The following CORO2B variants were observed in gnomAD, a reference collection of about 807,000 sequenced individuals.
The protein encoded by CORO2B is coronin-2B.
CORO2B carries 26 observed loss-of-function variants against 58.8 expected under a neutral mutation model. The ratio of observed to expected loss-of-function variants is 0.44; its 90% CI spans 0.32 to 0.61. The LOEUF (loss-of-function observed/expected upper bound fraction) is 0.61, where lower values mean the gene tolerates loss of function less well. Among genes scored for constraint, CORO2B ranks in the 20% least tolerant of loss-of-function variants. CORO2B has a pLI of 0.04. For missense variants in CORO2B, 460 were observed against 645.1 expected, an observed-to-expected ratio of 0.71 and a Z score of 3.11; for synonymous variants, 242 against 253.8, an observed-to-expected ratio of 0.95 and a Z score of 0.44.
chr15:68,714,468 G>C (rs1476760593), intron 6 of CORO2B, 91 bp from the exon 7 acceptor site: 3 of 920,370 alleles, frequency 3.3e-6, no homozygotes, highest in Non-Finnish European at 5.3e-6. Context: ...TTAACATAAA[G>C]TAGTTGCCAT....
At position 68,726,897 on chromosome 15, in the gene CORO2B, C is replaced by T. The variant is rs1893315974; in HGVS notation, c.*923C>T. ...GAGAACTGGAAGCCACTGCTACCGT[C>T]TACCCAGCACCAGTAGTGCCGATGT... On this transcript the variant is annotated 3_prime_UTR_variant, in exon 12 of 12. Coordinates refer to ENST00000261861, the MANE Select transcript of CORO2B (RefSeq NM_006091.5). 1 of 152,306 alleles carries T rather than the reference C, an allele frequency of 6.6e-6. No individual in the cohort carries two copies. The highest frequency in any genetic ancestry group is 2.4e-5 in the African/African-American group (1 of 41,456). The allele number at this position is 152,306 out of a possible 1,614,324, so 9.4% of individuals were successfully genotyped here.
chr15:68,546,173 C>A, the CORO2B span, among the ~76,000 whole-genome samples: 1 of 152,172 alleles, frequency 6.6e-6, no homozygotes, highest in Non-Finnish European at 1.5e-5. Context: ...CTCTCCTGCA[C>A]ATCTGCTGTC....
At chr15:68,543,829 C>T in the CORO2B span, among the ~76,000 whole-genome samples, 3 of 152,262 alleles carry the variant, frequency 2.0e-5, no homozygotes, top group East Asian at 5.8e-4. Context: ...CTGACGCACA[C>T]TGCGGTGACT....
chr15:68,611,846 A>T (rs1900256336), intron 1 of CORO2B, among the ~76,000 whole-genome samples: 1 of 150,046 alleles, frequency 6.7e-6, no homozygotes, highest in Non-Finnish European at 1.5e-5. Context: ...ATCTCAGCTC[A>T]CTGCAGCCTC....
chr15:68,683,271 G>T (rs1267999251), intron 2 of CORO2B, among the ~76,000 whole-genome samples: 1 of 152,138 alleles, frequency 6.6e-6, no homozygotes, highest in Non-Finnish European at 1.5e-5. Flanking sequence ...AAGGACGAAG[G>T]CCTGTTTGGG....
intron 1 of CORO2B, among the ~76,000 whole-genome samples, chr15:68,601,886 C>G (rs1276376861): frequency 6.6e-6 from 1 of 152,120 alleles, no homozygotes; most frequent in East Asian, 1.9e-4. Flanking sequence ...CCTGGGAAGT[C>G]CAAGATCAAG....
intron 1 of CORO2B, among the ~76,000 whole-genome samples, chr15:68,620,890 G>T (rs1900497145): frequency 6.6e-6 from 1 of 152,186 alleles, no homozygotes; most frequent in South Asian, 2.1e-4. Context: ...CCCAACAAAG[G>T]GTAGAAAGTC....
intron 1 of CORO2B, among the ~76,000 whole-genome samples, chr15:68,607,931 A>T (rs541586575): frequency 5.4e-4 from 82 of 152,234 alleles, no homozygotes; most frequent in African/African-American, 1.9e-3. Context: ...CAGGGCCTTT[A>T]TCATCTTCTT....
chr15:68,651,400 C>T (rs1901638477), intron 2 of CORO2B, among the ~76,000 whole-genome samples: 1 of 152,216 alleles, frequency 6.6e-6, no homozygotes, highest in Non-Finnish European at 1.5e-5. Context: ...TGTTGTTCCA[C>T]ACTAGCCGAT....
the CORO2B span, among the ~76,000 whole-genome samples, chr15:68,543,121 G>T: frequency 6.6e-6 from 1 of 152,182 alleles, no homozygotes; most frequent in African/African-American, 2.4e-5. Flanking sequence ...AGGGATCGGG[G>T]GGTGGAGGGG....
intron 1 of CORO2B, among the ~76,000 whole-genome samples, chr15:68,614,020 C>T (rs1043231236): frequency 2.0e-5 from 3 of 152,174 alleles, no homozygotes; most frequent in Admixed American, 6.5e-5. Context: ...CAATCATCAC[C>T]GTGCCTTAAA....
chr15:68,524,675 A>G, the CORO2B span, among the ~76,000 whole-genome samples: 1 of 152,208 alleles, frequency 6.6e-6, no homozygotes, highest in Non-Finnish European at 1.5e-5. Context: ...AAGGCCGGTA[A>G]TTAGGTAGAG....
intron 2 of CORO2B, among the ~76,000 whole-genome samples, chr15:68,673,433 G>C (rs960071552): frequency 1.1e-4 from 17 of 152,030 alleles, no homozygotes; most frequent in African/African-American, 4.1e-4. Flanking sequence ...TAGGAGAATT[G>C]CTTGAGACTG....
At chr15:68,681,002 T>G (rs1247622231) in intron 2 of CORO2B, among the ~76,000 whole-genome samples, 1 of 151,990 alleles carries the variant, frequency 6.6e-6, no homozygotes, top group Non-Finnish European at 1.5e-5. Flanking sequence ...TCGCCTGAGG[T>G]CAAGAGTTCT....
chr15:68,653,914 C>G (rs1901722397), intron 2 of CORO2B, among the ~76,000 whole-genome samples: 1 of 152,106 alleles, frequency 6.6e-6, no homozygotes, highest in Non-Finnish European at 1.5e-5. Flanking sequence ...AGGTCTCCGC[C>G]CCTCCAAGGG....
intron 1 of CORO2B, among the ~76,000 whole-genome samples, chr15:68,618,551 C>T (rs1490959712): frequency 1.3e-5 from 2 of 152,196 alleles, no homozygotes; most frequent in African/African-American, 2.4e-5. Flanking sequence ...GAGGAGATAG[C>T]ACTGATGTGC....
At chr15:68,559,025 A>C in the CORO2B span, among the ~76,000 whole-genome samples, 1 of 152,080 alleles carries the variant, frequency 6.6e-6, no homozygotes, top group Non-Finnish European at 1.5e-5. This position sits in a 1 kb window ranked among gnomAD's most constrained non-coding sequence, Gnocchi z 4.3. Flanking sequence ...TAGTCAGTAA[A>C]TATGTTCGGA....
intron 1 of CORO2B, among the ~76,000 whole-genome samples, chr15:68,586,423 G>C (rs905678384): frequency 6.6e-6 from 1 of 152,166 alleles, no homozygotes; most frequent in Admixed American, 6.5e-5. Flanking sequence ...GCAGGTGAAA[G>C]GAGGGGAGCT....
chr15:68,559,862 A>G, the CORO2B span, among the ~76,000 whole-genome samples: 2 of 152,252 alleles, frequency 1.3e-5, no homozygotes, highest in African/African-American at 2.4e-5. The surrounding 1 kb of genome is among the most constrained non-coding windows in gnomAD (Gnocchi z 4.3). Context: ...CACGGAGAGC[A>G]CAAGGCGTGT....
Sources: allele counts gnomAD v4.1 joint callset (sites outside exome capture counted in the v4.1 genomes callset), GRCh38; gene constraint gnomAD v4.1.1; non-coding constraint Gnocchi (gnomAD v3.1); transcripts MANE v1.5; gene names NCBI Gene and HGNC (gene_info 2026-07-23, HGNC 2026-07-21).